The following STAG2 variants were observed in gnomAD, a reference collection of about 807,000 sequenced individuals.
The protein encoded by STAG2 is STAG2 cohesin complex component, also known as cohesin subunit SA-2.
Under a neutral mutation model 108.1 loss-of-function variants are expected in STAG2, and 14 were observed. The observed-to-expected ratio is 0.13, with a 90% CI of 0.09 to 0.20. STAG2 has a LOEUF of 0.20. STAG2 is among the 10% of genes least tolerant of loss of function. STAG2 has a pLI of 1.00. For synonymous variants in STAG2, 307 were observed against 302.7 expected (o/e 1.01, Z -0.15); for missense variants, 440 against 940.9 (o/e 0.47, Z 6.96).
In STAG2 at chrX:124,061,781, T is replaced by C; in HGVS notation, c.1545T>C (p.Asp515=). 1 of 718,923 alleles carries C rather than the reference T, an allele frequency of 1.4e-6. No homozygotes were observed. Among genetic ancestry groups the C allele is most frequent in the Non-Finnish European group, 2.0e-6 (1 of 499,901 alleles). 59.2% of individuals were successfully genotyped at this position (718,923 alleles called of 1,213,427 possible). ...TTTTTTTTTTTTTAGCACTAACAGA[T>C]AGGCAAGAGAGTGCTCTGATTGAAA... The part of the protein sequence containing the change: ...EPLSGEEALT[D]RQESALIEIM... Residue 515 remains aspartate, a synonymous_variant, in exon 17 of 35, where the codon GAT becomes GAC. Coordinates refer to ENST00000371145, the MANE Select transcript of STAG2 (RefSeq NM_001042750.2).
chrX:124,038,594 T>C (rs1177441660), intron 6 of STAG2, among the ~76,000 whole-genome samples: 1 of 111,297 alleles, frequency 9.0e-6, no homozygotes, highest in Non-Finnish European at 1.9e-5. Context: ...TACCGTAATA[T>C]CTTTGAAAAA....
intron 5 of STAG2, among the ~76,000 whole-genome samples, chrX:124,031,534 TG>T (rs1270708516): frequency 1.8e-4 from 14 of 79,742 alleles, no homozygotes; most frequent in South Asian, 1.4e-3. Flanking sequence ...TAGTGTTTTT[TG>T]TTTGTTTGTT....
chrX:124,020,363 CT>C (rs1483841696), intron 1 of STAG2, among the ~76,000 whole-genome samples: 1 of 111,965 alleles, frequency 8.9e-6, no homozygotes, highest in East Asian at 2.8e-4. Flanking sequence ...ATCACATGAC[CT>C]TTTTTATTTT....
chrX:124,026,221 A>G (rs758278069), intron 4 of STAG2, among the ~76,000 whole-genome samples: 5 of 109,621 alleles, frequency 4.6e-5, no homozygotes, highest in Non-Finnish European at 5.7e-5. Flanking sequence ...GCAGAATGCA[A>G]TGTTCTGTTG....
At chrX:124,019,052 CTTTT>C (rs751161706) in intron 1 of STAG2, among the ~76,000 whole-genome samples, 3 of 79,900 alleles carry the variant, frequency 3.8e-5, no homozygotes, top group Non-Finnish European at 7.0e-5. Context: ...ATTTAGCACT[CTTTT>C]TTTTTTTTTT....
Position 123,997,982 on chromosome X carries a change from T to C in STAG2, c.-162-23385T>C, listed in dbSNP as rs761240672. The stretch of plus-strand genomic sequence containing the variant: ...GTCAGAGTTTATAATCTATTGTATG[T>C]ATATACCACATTTTGTTTGTCCATT... On this transcript the variant is annotated intron_variant, in intron 1 of 34. Coordinates refer to ENST00000371145, the MANE Select transcript of STAG2 (RefSeq NM_001042750.2). Among the ~76,000 whole-genome samples the C allele has an allele frequency of 2.7e-5, 3 of 111,700 alleles. No individual in the cohort carries two copies. In the South Asian group the frequency reaches 1.1e-3, roughly 41 times the overall value.
intron 1 of STAG2, among the ~76,000 whole-genome samples, chrX:123,968,098 A>G (rs1249081090): frequency 9.1e-6 from 1 of 110,134 alleles, no homozygotes; most frequent in Non-Finnish European, 1.9e-5. Flanking sequence ...ACGGGCTTTC[A>G]CCATATTGGT....
chrX:124,061,743 CTTTTTTTTTTT>C lies in STAG2; in HGVS notation c.1535-13_1535-3del, dbSNP rs36097834. On this transcript the variant is annotated splice_polypyrimidine_tract_variant and intron_variant, in intron 16 of 34. Coordinates refer to ENST00000371145, the MANE Select transcript of STAG2 (RefSeq NM_001042750.2). The stretch of plus-strand genomic sequence containing the variant: ...GAAGAAATAAGCTAACTCTTTCTGA[CTTTTTTTTTTT>C]TTTTTTTTTTTTTTAGCACTAACAG... 2.4e-4 allele frequency: 113 copies of C among 474,261 alleles called. No homozygotes were observed. The highest frequency in any genetic ancestry group is 1.4e-3 in the African/African-American group (35 of 24,693). 39.1% of individuals were successfully genotyped at this position (474,261 alleles called of 1,213,427 possible). A position where few individuals can be genotyped will look rare whatever the true frequency, so the allele number is the denominator to read the frequency against.
chrX:124,100,719 A>G lies in STAG2; in HGVS notation c.*122A>G. 1 of 523,020 alleles carries G rather than the reference A, an allele frequency of 1.9e-6. No homozygotes were observed. The highest frequency in any genetic ancestry group is 3.1e-6 in the Non-Finnish European group (1 of 323,170). 43.1% of individuals were successfully genotyped at this position (523,020 alleles called of 1,213,427 possible). A position where few individuals can be genotyped will look rare whatever the true frequency, so the allele number is the denominator to read the frequency against. ...TCTCTAAGGAGAATATGACATGCTT[A>G]TGCTTACCAAGATCAAGTGCATTGA... On this transcript the variant is annotated 3_prime_UTR_variant, in exon 35 of 35. Coordinates refer to ENST00000371145, the MANE Select transcript of STAG2 (RefSeq NM_001042750.2).
rs2059490423 is a variant in STAG2 at position 124,100,594 on chromosome X, T to C, written c.3804T>C (p.Phe1268=). Residue 1268 remains phenylalanine (F), a synonymous_variant, in exon 35 of 35, where the codon TTT becomes TTC. Coordinates refer to ENST00000371145, the MANE Select transcript of STAG2 (RefSeq NM_001042750.2). The part of the protein sequence containing the change: ...MDESVLGVSM[F] ...ATTAGGTTCTTGGAGTGTCAATGTT[T>C]TAATACCAGTACACAATTAAATCTG... The C allele has an allele frequency of 1.7e-6, 2 of 1,192,420 alleles. No homozygotes were observed. The highest frequency in any genetic ancestry group is 4.4e-5 in the Admixed American group (2 of 45,293).
intron 3 of STAG2, among the ~76,000 whole-genome samples, chrX:124,022,952 A>G (rs937075296): frequency 8.9e-6 from 1 of 112,211 alleles, no homozygotes; most frequent in Non-Finnish European, 1.9e-5. Context: ...TTGCAATAGC[A>G]ACTGTTTTGA....
At chrX:123,961,310 C>G (rs1053314242), upstream of STAG2, 5 of 109,046 alleles carry the variant, frequency 4.6e-5, no homozygotes, top group East Asian at 2.9e-4. Context: ...CCCCCCCCCC[C>G]CATGGGTGGC....
chrX:124,095,285 C>A, intron 33 of STAG2, 87 bp from the exon 34 acceptor site: 1 of 721,628 alleles, frequency 1.4e-6, no homozygotes, highest in Non-Finnish European at 2.2e-6. Flanking sequence ...TCACATAGAC[C>A]ATGTGAAGAA....
At chrX:123,992,796 T>A (rs1029353124) in intron 1 of STAG2, among the ~76,000 whole-genome samples, 1 of 111,063 alleles carries the variant, frequency 9.0e-6, no homozygotes, top group Non-Finnish European at 1.9e-5. Context: ...CGCCTTGGCC[T>A]CCGAAAGTGC....
chrX:123,998,654 G>A (rs771397830), intron 1 of STAG2, among the ~76,000 whole-genome samples: 19 of 108,531 alleles, frequency 1.8e-4, no homozygotes, highest in Non-Finnish European at 2.7e-4. Context: ...GATGGCCTTC[G>A]TAATAGATAT....
intron 1 of STAG2, among the ~76,000 whole-genome samples, chrX:124,019,795 G>T (rs1290007360): frequency 9.0e-6 from 1 of 111,111 alleles, no homozygotes; most frequent in Non-Finnish European, 1.9e-5. Flanking sequence ...AATTAGCTGG[G>T]CCATGGTAGT....
intron 25 of STAG2, among the ~76,000 whole-genome samples, chrX:124,075,237 A>C (rs2058769469): frequency 8.9e-6 from 1 of 112,234 alleles, no homozygotes; most frequent in Admixed American, 9.5e-5. Context: ...ATGGCTAATA[A>C]ACATAAACAA....
rs139192022 is a variant in STAG2 at position 124,086,724 on chromosome X, A to G, written c.3231A>G (p.Pro1077=). 5 of 1,208,191 alleles carry G rather than the reference A, an allele frequency of 4.1e-6. No homozygotes were observed. In the African/African-American group the frequency reaches 8.7e-5, roughly 21 times the overall value. The change falls in exon 30 of 35, where the codon CCA becomes CCG. Residue 1077 remains proline, a synonymous_variant. Transcript: ENST00000371145. ...CAGTACGGAGTAAAAAATCAAAACC[A>G]TCTACAGGAAAACGGAAAGTGGTTG... ...GSTVRSKKSK[P]STGKRKVVEG... is the part of the protein sequence containing the mutation.
upstream of STAG2, chrX:123,960,602 CAAAAAAAAAAAAAAAAAAAAAAAAAA>C (rs1208693829): frequency 1.4e-4 from 1 of 7,013 alleles, no homozygotes; most frequent in African/African-American, 5.4e-4. Flanking sequence ...GAAGCGCCAC[CAAAAAAAAAAAAAAAAAAAAAAAAAA>C]AAAAAAAAAA....
Sources: gnomAD v4.1 joint callset for allele counts (sites outside exome capture counted in the v4.1 genomes callset) on GRCh38, gnomAD v4.1.1 for gene constraint, MANE v1.5 for transcripts, NCBI Gene and HGNC (gene_info 2026-07-23, HGNC 2026-07-21) for gene names.